The following BTRC variants were observed in gnomAD, a reference collection of about 807,000 sequenced individuals.
The protein encoded by BTRC is F-box/WD repeat-containing protein 1A.
A neutral mutation model predicts 85.5 loss-of-function variants in BTRC; 42 were observed. The observed-to-expected ratio is 0.49, with a 90% CI of 0.38 to 0.64. The LOEUF (loss-of-function observed/expected upper bound fraction) is 0.64. Ranked by LOEUF, BTRC falls within the 30% of genes least tolerant of loss-of-function variation. BTRC has a pLI of 0.00. For synonymous variants in BTRC, 255 were observed against 263.3 expected (o/e 0.97, Z 0.30); for missense variants, 594 against 743.5 (o/e 0.80, Z 2.34).
intron 1 of BTRC, among the ~76,000 whole-genome samples, chr10:101,407,762 C>T (rs547429680): frequency 5.7e-5 from 8 of 140,020 alleles, no homozygotes; most frequent in Admixed American, 1.5e-4. Context: ...CTCGTTCTGT[C>T]GCCAGGCTGG....
At chr10:101,368,878 A>G (rs548761175) in intron 1 of BTRC, among the ~76,000 whole-genome samples, 1 of 152,096 alleles carries the variant, frequency 6.6e-6, no homozygotes, top group Non-Finnish European at 1.5e-5. Flanking sequence ...AGTTAGCTGG[A>G]TGTGGTGGCG....
intron 1 of BTRC, among the ~76,000 whole-genome samples, chr10:101,429,985 G>T (rs1311005435): frequency 2.6e-5 from 4 of 151,994 alleles, no homozygotes; most frequent in African/African-American, 9.7e-5. Context: ...ATTACACCCT[G>T]TGGTGAGTTT....
At chr10:101,386,482 A>G (rs1316051541) in intron 1 of BTRC, among the ~76,000 whole-genome samples, 2 of 152,200 alleles carry the variant, frequency 1.3e-5, no homozygotes, top group African/African-American at 4.8e-5. Flanking sequence ...TTCAAGAAAG[A>G]CTTTTTTGTG....
rs776563405 is a variant in BTRC at position 101,467,329 on chromosome 10, GT to G, written c.234+5287del. Among the ~76,000 whole-genome samples, 768 of 117,244 alleles carry G rather than the reference GT, an allele frequency of 6.6e-3. 4 individuals are homozygous for G. The highest frequency in any genetic ancestry group is 0.016 in the East Asian group (73 of 4,506). The allele number at this position is 117,244 out of a possible 152,430, so 76.9% of individuals were successfully genotyped here. A position where few individuals can be genotyped will look rare whatever the true frequency, so the allele number is the denominator to read the frequency against. On this transcript the variant is annotated intron_variant, in intron 3 of 14. Transcript: ENST00000370187. ...AAGTCCCTGATATCAGGCAGGCAGG[GT>G]TTTTTTTTTTTTTTTCTCTCTATTT...
chr10:101,429,866 T>TTA (rs1944356735), intron 1 of BTRC, among the ~76,000 whole-genome samples: 1 of 143,804 alleles, frequency 7.0e-6, no homozygotes, highest in African/African-American at 2.6e-5. Context: ...CTTTTCCTTC[T>TTA]AAAAAAAAAA....
chr10:101,381,694 T>C (rs1031854423), intron 1 of BTRC, among the ~76,000 whole-genome samples: 1 of 152,194 alleles, frequency 6.6e-6, no homozygotes, highest in Non-Finnish European at 1.5e-5. Context: ...AAACACACGA[T>C]GATAACTCAT....
chr10:101,460,784 A>T (rs1945202872), intron 2 of BTRC, among the ~76,000 whole-genome samples: 1 of 152,242 alleles, frequency 6.6e-6, no homozygotes, highest in South Asian at 2.1e-4. Context: ...TCATGCTTGT[A>T]TGAAAATTTT....
intron 5 of BTRC, among the ~76,000 whole-genome samples, chr10:101,523,859 G>A (rs929460084): frequency 2.0e-5 from 3 of 151,908 alleles, no homozygotes; most frequent in African/African-American, 7.3e-5. Flanking sequence ...GAACATTTAG[G>A]TAGTTTCAAA....
intron 14 of BTRC, 104 bp downstream of exon 14, chr10:101,550,995 A>C: frequency 9.4e-7 from 1 of 1,060,334 alleles, no homozygotes; most frequent in East Asian, 2.6e-5. Context: ...TGGGTCACCA[A>C]CTCCTGTAAA....
chr10:101,392,572 T>C (rs1943263074), intron 1 of BTRC, among the ~76,000 whole-genome samples: 1 of 152,174 alleles, frequency 6.6e-6, no homozygotes, highest in African/African-American at 2.4e-5. Flanking sequence ...TGGTCTTGGC[T>C]CACTGCAACC....
chr10:101,433,330 C>T (rs1944448493), intron 2 of BTRC, among the ~76,000 whole-genome samples: 1 of 152,046 alleles, frequency 6.6e-6, no homozygotes, highest in South Asian at 2.1e-4. Flanking sequence ...ATCTCCCAAG[C>T]TGATAAATTC....
chr10:101,530,981 T>C (rs549980215), intron 6 of BTRC, among the ~76,000 whole-genome samples: 30 of 152,322 alleles, frequency 2.0e-4, no homozygotes, highest in African/African-American at 6.5e-4. Context: ...AAGACCAGCC[T>C]GACCAACATG....
intron 1 of BTRC, among the ~76,000 whole-genome samples, chr10:101,382,128 A>C (rs1590224326): frequency 6.6e-6 from 1 of 151,224 alleles, no homozygotes; most frequent in African/African-American, 2.4e-5. Flanking sequence ...TATTACAGGC[A>C]CCTGCCACCA....
intron 4 of BTRC, among the ~76,000 whole-genome samples, chr10:101,510,435 A>C (rs1285682330): frequency 6.7e-6 from 1 of 150,266 alleles, no homozygotes. Context: ...GCGTGAACCC[A>C]GGAGTTGGAG....
intron 5 of BTRC, among the ~76,000 whole-genome samples, chr10:101,524,440 C>G (rs1466898044): frequency 6.6e-6 from 1 of 152,176 alleles, no homozygotes; most frequent in Non-Finnish European, 1.5e-5. Flanking sequence ...ACTGACCACT[C>G]TATGAGGTAT....
intron 1 of BTRC, among the ~76,000 whole-genome samples, chr10:101,425,984 G>A (rs1944241583): frequency 6.6e-6 from 1 of 152,082 alleles, no homozygotes; most frequent in South Asian, 2.1e-4. Flanking sequence ...AATGTTGAAG[G>A]ACAGAAAACA....
chr10:101,355,756 A>T (rs1942016394), intron 1 of BTRC, among the ~76,000 whole-genome samples: 1 of 152,206 alleles, frequency 6.6e-6, no homozygotes, highest in African/African-American at 2.4e-5. Context: ...TTATAAGAAT[A>T]CTTTTTTGGA....
In BTRC at chr10:101,445,086, G is replaced by T. The variant is rs191093606; in HGVS notation, c.156+14634G>T. On this transcript the variant is annotated intron_variant, in intron 2 of 14. Transcript: ENST00000370187. Reference sequence around the variant, plus strand: ...TTTAGTTATCGACATTTCATTTGAAGATACGACTATATATTTTCAGTGTTA... The same window carrying T: ...TTTAGTTATCGACATTTCATTTGAATATACGACTATATATTTTCAGTGTTA... Among the ~76,000 whole-genome samples, 179 of 152,286 alleles carry T rather than the reference G, an allele frequency of 1.2e-3. 2 individuals are homozygous for T. Among genetic ancestry groups the T allele is most frequent in the Non-Finnish European group, 2.0e-3 (136 of 68,014 alleles).
intron 1 of BTRC, among the ~76,000 whole-genome samples, chr10:101,395,203 A>G (rs1486754607): frequency 6.6e-6 from 1 of 152,160 alleles, no homozygotes; most frequent in Non-Finnish European, 1.5e-5. Context: ...AACTCTAAGG[A>G]AAGAAGAAGG....
Sources: allele counts gnomAD v4.1 joint callset (sites outside exome capture counted in the v4.1 genomes callset), GRCh38; gene constraint gnomAD v4.1.1; transcripts MANE v1.5; gene names NCBI Gene and HGNC (gene_info 2026-07-23, HGNC 2026-07-21).